TACC2: variants seen among roughly 807,000 people sequenced by gnomAD.
The protein encoded by TACC2 is transforming acidic coiled-coil containing protein 2.
TACC2 carries 137 observed loss-of-function variants against 227.3 expected under a neutral mutation model. The observed-to-expected ratio is 0.60, with a 90% confidence interval of 0.52 to 0.69. TACC2 has a LOEUF of 0.69. Ranked by LOEUF, TACC2 falls within the 30% of genes least tolerant of loss-of-function variation. TACC2 has a pLI of 0.00. For missense variants in TACC2, 3,470 were observed against 3,694.4 expected (o/e 0.94, Z 1.57); for synonymous variants, 1,523 against 1,487.5 (o/e 1.02, Z -0.55).
intron 7 of TACC2, among the ~76,000 whole-genome samples, chr10:122,175,090 C>A (rs1338555022): frequency 6.6e-6 from 1 of 152,134 alleles, no homozygotes; most frequent in African/African-American, 2.4e-5. Flanking sequence ...CCCATCTCAG[C>A]CTCCCTAGTA....
chr10:122,113,789 G>A (rs1233378551), intron 5 of TACC2, among the ~76,000 whole-genome samples: 2 of 152,238 alleles, frequency 1.3e-5, no homozygotes, highest in Non-Finnish European at 2.9e-5. Flanking sequence ...AGGGCCGAGC[G>A]CACTTCGGGG....
In TACC2 at chr10:122,237,454, C is replaced by T. The variant is rs762408075; in HGVS notation, c.8187C>T (p.Ile2729=). 44 of 1,613,980 alleles carry T rather than the reference C, an allele frequency of 2.7e-5. No individual in the cohort carries two copies. In the South Asian group the frequency reaches 4.0e-4, roughly 14 times the overall value. ...CCAAAACAGCCTTGTACTCCCGCATCGGGACCGCTGAGGTGGAGAAACCTG... is the reference window on the plus strand; with the variant it reads ...CCAAAACAGCCTTGTACTCCCGCATTGGGACCGCTGAGGTGGAGAAACCTG... ...SISKTALYSR[I]GTAEVEKPAG... is the part of the protein sequence containing the mutation. The change falls in exon 17 of 23, where the codon ATC becomes ATT. Residue 2729 remains isoleucine (I), a synonymous_variant. Transcript: ENST00000369005.
At chr10:122,191,969 G>A (rs902692474) in intron 7 of TACC2, among the ~76,000 whole-genome samples, 1 of 152,144 alleles carries the variant, frequency 6.6e-6, no homozygotes, top group Non-Finnish European at 1.5e-5. Context: ...GTACAGACTC[G>A]TTGGGGGTGG....
At chr10:122,030,922 C>T (rs1288644009) in intron 2 of TACC2, among the ~76,000 whole-genome samples, 1 of 151,940 alleles carries the variant, frequency 6.6e-6, no homozygotes, top group Non-Finnish European at 1.5e-5. Flanking sequence ...CAGCTTCTGC[C>T]TCCATAATGC....
Position 122,155,833 on chromosome 10 carries a change from ATTTTT to A in TACC2, c.5834+12145_5834+12149del, listed in dbSNP as rs66559186. On this transcript the variant is annotated intron_variant, in intron 7 of 22. Transcript: ENST00000369005. Reference sequence around the variant, plus strand: ...AAGTTTTATGGTTAATAGTGGGAAAATTTTTTTTTTTTTTTTTTTTTTGAGACTGA... The same window carrying A: ...AAGTTTTATGGTTAATAGTGGGAAAATTTTTTTTTTTTTTTTTGAGACTGA... Among the ~76,000 whole-genome samples, 882 of 118,314 alleles carry A rather than the reference ATTTTT, an allele frequency of 7.5e-3. 9 individuals carry two copies. Among genetic ancestry groups the A allele is most frequent in the African/African-American group, 0.027 (841 of 30,794 alleles). 77.6% of individuals were successfully genotyped at this position (118,314 alleles called of 152,430 possible).
At position 122,215,415 on chromosome 10, in the gene TACC2, G is replaced by A. The variant is rs577237580; in HGVS notation, c.7308G>A (p.Ser2436=). The change falls in exon 10 of 23, where the codon TCG becomes TCA. Residue 2436 remains serine, a synonymous_variant. Transcript: ENST00000369005. ...LKTDTFRVKK[S]PKRSPLSDPP... The stretch of plus-strand genomic sequence containing the variant: ...GTGACACATTTAGGGTGAAAAAGTC[G>A]CCAAAACGGTCTCCTCTCTCTGATC... The A allele has an allele frequency of 1.1e-5, 18 of 1,613,796 alleles. No individual in the cohort carries two copies. Among genetic ancestry groups the A allele is most frequent in the East Asian group, 2.2e-5 (1 of 44,828 alleles).
intron 5 of TACC2, among the ~76,000 whole-genome samples, chr10:122,122,474 T>A (rs1314978484): frequency 6.8e-6 from 1 of 147,320 alleles, no homozygotes; most frequent in African/African-American, 2.4e-5. Flanking sequence ...AACTAAGTAT[T>A]TTTTTAAAAA....
intron 5 of TACC2, among the ~76,000 whole-genome samples, chr10:122,132,045 A>AAAGGAAGGAAGGAAGGAAGGAAGG (rs1565389785): frequency 0.13 from 407 of 3,112 alleles, 4 homozygotes; most frequent in Admixed American, 0.17. Context: ...AGAAAGAAAG[A>AAAGGAAGGAAGGAAGGAAGGAAGG]AAGAAAGAAA....
At chr10:122,146,223 A>G (rs923620741) in intron 7 of TACC2, among the ~76,000 whole-genome samples, 2 of 152,116 alleles carry the variant, frequency 1.3e-5, no homozygotes, top group Non-Finnish European at 2.9e-5. Flanking sequence ...TGCTGAAGAT[A>G]CAGAAGAGAA....
intron 18 of TACC2, 73 bp from the exon 19 acceptor site, chr10:122,241,885 G>GTGTGAGA: frequency 7.1e-7 from 1 of 1,415,700 alleles, no homozygotes; most frequent in Non-Finnish European, 1.0e-6. Context: ...GGGTCAGGCT[G>GTGTGAGA]TGGCGTCCAG....
chr10:121,995,339 A>G (rs1370742984), intron 1 of TACC2, among the ~76,000 whole-genome samples: 1 of 152,192 alleles, frequency 6.6e-6, no homozygotes, highest in Non-Finnish European at 1.5e-5. Flanking sequence ...TCTAAGCCTC[A>G]TGAGAGAATC....
chr10:122,191,219 C>T lies in TACC2; in HGVS notation c.5835-3821C>T, dbSNP rs113482955. ...TGCAGTCTCAAACTCCTGGACGAAG[C>T]GATCCTCCTGAGTCTGCCTCCACGT... On this transcript the variant is annotated intron_variant, in intron 7 of 22. Coordinates refer to ENST00000369005, the MANE Select transcript of TACC2 (RefSeq NM_206862.4). Among the ~76,000 whole-genome samples the T allele has an allele frequency of 3.5e-3, 532 of 152,042 alleles. 3 individuals carry two copies. Among genetic ancestry groups the T allele is most frequent in the African/African-American group, 0.012 (492 of 41,436 alleles).
intron 5 of TACC2, among the ~76,000 whole-genome samples, chr10:122,119,674 G>A (rs559688831): frequency 6.6e-6 from 1 of 152,224 alleles, no homozygotes; most frequent in East Asian, 1.9e-4. Context: ...AGCATGTTGG[G>A]AGGCCAAGAC....
chr10:122,218,804 A>G (rs2095464340), intron 11 of TACC2, among the ~76,000 whole-genome samples: 1 of 151,878 alleles, frequency 6.6e-6, no homozygotes, highest in African/African-American at 2.4e-5. Context: ...ACATGAGCTC[A>G]AGACCCAGGT....
chr10:122,146,630 G>T (rs2091413189), intron 7 of TACC2, among the ~76,000 whole-genome samples: 1 of 152,068 alleles, frequency 6.6e-6, no homozygotes, highest in East Asian at 1.9e-4. Context: ...CCAGCAAGAA[G>T]GCCCTCACCA....
At chr10:122,015,779 G>A (rs576000292) in intron 1 of TACC2, among the ~76,000 whole-genome samples, 25 of 125,186 alleles carry the variant, frequency 2.0e-4, no homozygotes, top group Middle Eastern at 8.5e-3. Flanking sequence ...TTGAACCCGG[G>A]AGGGGGAGGT....
At chr10:122,153,919 AC>A (rs2092288734) in intron 7 of TACC2, among the ~76,000 whole-genome samples, 1 of 152,140 alleles carries the variant, frequency 6.6e-6, no homozygotes, top group African/African-American at 2.4e-5. Context: ...TGAGCAACCA[AC>A]CTGTCTTCCT....
At chr10:122,100,001 A>G (rs1565302053) in intron 5 of TACC2, among the ~76,000 whole-genome samples, 1 of 152,204 alleles carries the variant, frequency 6.6e-6, no homozygotes. Flanking sequence ...ACAGTGGCTG[A>G]CGCCTGTAAT....
intron 3 of TACC2, among the ~76,000 whole-genome samples, chr10:122,061,394 C>T (rs1194295239): frequency 6.6e-6 from 1 of 151,818 alleles, no homozygotes; most frequent in Non-Finnish European, 1.5e-5. Flanking sequence ...GTGAAAAGCA[C>T]TAAGGTCAGG....
Sources: allele counts gnomAD v4.1 joint callset (sites outside exome capture counted in the v4.1 genomes callset), GRCh38; gene constraint gnomAD v4.1.1; transcripts MANE v1.5; gene names NCBI Gene and HGNC (gene_info 2026-07-23, HGNC 2026-07-21).